CASD1: variants seen among roughly 807,000 people sequenced by gnomAD.
The protein encoded by CASD1 is N-acetylneuraminate (7)9-O-acetyltransferase.
In CASD1, 41 loss-of-function variants were observed where a neutral mutation model predicts 100.0. The observed-to-expected ratio is 0.41, with a 90% CI of 0.32 to 0.53. The LOEUF (loss-of-function observed/expected upper bound fraction) is 0.53, where lower values mean the gene tolerates loss of function less well. CASD1 is among the 20% of genes least tolerant of loss of function. The probability of loss-of-function intolerance (pLI) is 0.25; values close to 1 mark genes in which losing one functional copy is unlikely to be tolerated. For synonymous variants in CASD1, 321 were observed against 315.6 expected (o/e 1.02, Z -0.18); for missense variants, 774 against 948.7 (o/e 0.82, Z 2.42).
At chr7:94,587,116 A>AGGT in the CASD1 span, 53 of 983,888 alleles carry the variant, frequency 5.4e-5, no homozygotes, top group East Asian at 5.2e-3. Context: ...TTTATAAATT[A>AGGT]GGTTAAACAA....
Position 94,525,630 on chromosome 7 carries a change from A to G in CASD1, c.352-1532A>G, listed in dbSNP as rs77635788. ...TCATGACATTATTTTTCTGAGGACA[A>G]ATTTTTAAAAGGTTGAGGATGTGGT... On this transcript the variant is annotated intron_variant, in intron 3 of 17. Coordinates refer to ENST00000297273, the MANE Select transcript of CASD1 (RefSeq NM_022900.5). 8.7e-3 allele frequency among the ~76,000 whole-genome samples: 1,329 copies of G among 152,334 alleles called. 56 individuals are homozygous for G. The East Asian group carries it at 0.14, about 16-fold the overall frequency.
At chr7:94,560,130 G>A (rs937157382), downstream of CASD1, among the ~76,000 whole-genome samples, 2 of 152,142 alleles carry the variant, frequency 1.3e-5, no homozygotes, top group East Asian at 3.8e-4. Flanking sequence ...TTTTTAACAA[G>A]TCACAGGGTC....
chr7:94,579,047 A>G, the CASD1 span, among the ~76,000 whole-genome samples: 1 of 152,028 alleles, frequency 6.6e-6, no homozygotes, highest in East Asian at 1.9e-4. Context: ...TTTACTTAGC[A>G]CCAACTAGTA....
At chr7:94,517,048 T>C (rs1419765239) in intron 1 of CASD1, among the ~76,000 whole-genome samples, 1 of 152,020 alleles carries the variant, frequency 6.6e-6, no homozygotes, top group African/African-American at 2.4e-5. Flanking sequence ...GGACTACAGA[T>C]GTGTGCCACC....
At chr7:94,587,060 C>G in the CASD1 span, 1 of 985,002 alleles carries the variant, frequency 1.0e-6, no homozygotes, top group Non-Finnish European at 1.2e-6. Context: ...GCTTTCTTGA[C>G]TCAAGCAAAA....
chr7:94,541,071 G>A (rs186103300), intron 10 of CASD1, among the ~76,000 whole-genome samples: 253 of 152,058 alleles, frequency 1.7e-3, no homozygotes, highest in Non-Finnish European at 2.4e-3. Flanking sequence ...AAAAATCTGT[G>A]TTCTGGAAGG....
chr7:94,576,081 T>G, the CASD1 span, among the ~76,000 whole-genome samples: 1 of 152,344 alleles, frequency 6.6e-6, no homozygotes, highest in East Asian at 1.9e-4. Context: ...TCTCTTGCTC[T>G]CTCTCTCTTC....
the CASD1 span, among the ~76,000 whole-genome samples, chr7:94,562,781 T>C: frequency 2.0e-5 from 3 of 152,200 alleles, no homozygotes; most frequent in African/African-American, 7.2e-5. Flanking sequence ...CCTTATGACG[T>C]AGCAATAACC....
At chr7:94,561,776 G>C (rs10499907), downstream of CASD1, among the ~76,000 whole-genome samples, 14,089 of 152,070 alleles carry the variant, frequency 0.093, 805 homozygotes, top group East Asian at 0.23. Context: ...TGAACCGTCA[G>C]CTAGCTAATA....
At position 94,517,717 on chromosome 7, in the gene CASD1, G is replaced by C. The variant is rs1045680032; in HGVS notation, c.230+61G>C. The C allele has an allele frequency of 1.1e-5, 11 of 994,824 alleles. No homozygotes were observed. In the East Asian group the frequency reaches 2.4e-4, roughly 22 times the overall value. 61.6% of individuals were successfully genotyped at this position (994,824 alleles called of 1,614,324 possible). On this transcript the variant is annotated intron_variant, in intron 2 of 17. Transcript: ENST00000297273. ...GATGGGTCTTAATATGTAGTGGAGAGGGGTTGGTGAAACAGTACTTTTCAT... is the reference window on the plus strand; with the variant it reads ...GATGGGTCTTAATATGTAGTGGAGACGGGTTGGTGAAACAGTACTTTTCAT...
At chr7:94,604,806 AATATATATATAT>A in the CASD1 span, among the ~76,000 whole-genome samples, 483 of 44,234 alleles carry the variant, frequency 0.011, 1 homozygote, top group African/African-American at 0.022. Flanking sequence ...ATGGTGCTGG[AATATATATATAT>A]ATATATATAT....
chr7:94,629,631 T>G, the CASD1 span: 1 of 1,162,428 alleles, frequency 8.6e-7, no homozygotes. Flanking sequence ...ATAATGTTAA[T>G]GATATTTTAT....
At chr7:94,615,421 GATAA>G in the CASD1 span, among the ~76,000 whole-genome samples, 2,643 of 126,594 alleles carry the variant, frequency 0.021, 31 homozygotes, top group Non-Finnish European at 0.034. Context: ...TAGATAGATA[GATAA>G]AGGGCAATTC....
chr7:94,611,410 A>T, the CASD1 span, among the ~76,000 whole-genome samples: 2 of 151,956 alleles, frequency 1.3e-5, no homozygotes, highest in Non-Finnish European at 2.9e-5. Flanking sequence ...CATATTATAT[A>T]ATTCCATTTA....
chr7:94,583,854 TAAAAC>T, the CASD1 span, among the ~76,000 whole-genome samples: 34 of 152,140 alleles, frequency 2.2e-4, no homozygotes, highest in Admixed American at 1.3e-3. Flanking sequence ...CTCACTTTGT[TAAAAC>T]AAAACAAAAC....
the CASD1 span, chr7:94,624,996 C>T: frequency 3.3e-5 from 5 of 151,980 alleles, no homozygotes; most frequent in East Asian, 9.7e-4. Flanking sequence ...GAATGTAGTC[C>T]TTCTATCACT....
the CASD1 span, chr7:94,599,088 G>A: frequency 2.7e-5 from 18 of 675,048 alleles, no homozygotes; most frequent in African/African-American, 2.4e-4. Context: ...GGCACTTTGG[G>A]CATTCAATAA....
At chr7:94,603,577 G>A in the CASD1 span, 1 of 843,958 alleles carries the variant, frequency 1.2e-6, no homozygotes, top group Non-Finnish European at 1.9e-6. Flanking sequence ...CCCTGAGGTA[G>A]GGGCCTCGGC....
chr7:94,548,443 T>C (rs1351568102), intron 13 of CASD1, among the ~76,000 whole-genome samples: 4 of 151,568 alleles, frequency 2.6e-5, no homozygotes, highest in African/African-American at 9.7e-5. Flanking sequence ...CTGATATATA[T>C]ACATATATAT....
Sources: gnomAD v4.1 joint callset for allele counts (sites outside exome capture counted in the v4.1 genomes callset) on GRCh38, gnomAD v4.1.1 for gene constraint, MANE v1.5 for transcripts, NCBI Gene and HGNC (gene_info 2026-07-23, HGNC 2026-07-21) for gene names.